RRM1: variants seen among roughly 807,000 people sequenced by gnomAD.
RRM1 encodes ribonucleotide reductase catalytic subunit M1, also known as ribonucleoside-diphosphate reductase large subunit.
RRM1 carries 19 observed loss-of-function variants against 101.5 expected under a neutral mutation model. That is an observed-to-expected ratio of 0.19 (90% CI 0.13 to 0.27). RRM1 has a LOEUF of 0.27. Among genes scored for constraint, RRM1 ranks in the 10% least tolerant of loss-of-function variants. The pLI is 1.00. For missense variants in RRM1, 500 were observed against 962.9 expected, an observed-to-expected ratio of 0.52 and a Z score of 6.36; for synonymous variants, 298 against 323.4, an observed-to-expected ratio of 0.92 and a Z score of 0.84.
intron 2 of RRM1, among the ~76,000 whole-genome samples, chr11:4,102,311 A>T (rs986306112): frequency 5.3e-5 from 8 of 152,190 alleles, no homozygotes; most frequent in Admixed American, 6.5e-5. Context: ...GGAAAATTTG[A>T]TATTAACATT....
intron 1 of RRM1, among the ~76,000 whole-genome samples, chr11:4,097,838 A>G (rs2094545745): frequency 6.6e-6 from 1 of 152,242 alleles, no homozygotes; most frequent in African/African-American, 2.4e-5. Flanking sequence ...CTTGCTAAAC[A>G]CTGTGAGGGC....
chr11:4,133,980 A>ATTTT (rs34715101), intron 17 of RRM1, among the ~76,000 whole-genome samples: 1,106 of 90,746 alleles, frequency 0.012, 21 homozygotes, highest in Non-Finnish European at 0.014. Flanking sequence ...CCAGACATCA[A>ATTTT]TTTTTTTTTT....
chr11:4,131,479 T>C (rs551489556), intron 15 of RRM1, among the ~76,000 whole-genome samples: 3 of 152,224 alleles, frequency 2.0e-5, no homozygotes, highest in Admixed American at 1.3e-4. Flanking sequence ...CTTTGTGTTT[T>C]AAAAACTTGA....
At chr11:4,105,988 T>C (rs2094557834) in intron 2 of RRM1, 58 bp from the exon 3 acceptor site, 29 of 1,456,842 alleles carry the variant, frequency 2.0e-5, no homozygotes, top group Non-Finnish European at 2.5e-5. Flanking sequence ...AATTACTCTT[T>C]TAAGGAAGCT....
Position 4,118,347 on chromosome 11 carries a change from C to A in RRM1, c.678C>A (p.Asp226Glu). ...GTTTTCTTCTGAGTATGAAAGATGA[C>A]AGCATTGAAGGCATTTATGACACTC... ...SSCFLLSMKD[D>E]SIEGIYDTLK... Residue 226 changes from aspartate (D) to glutamate (E), a missense_variant, in exon 8 of 19, where the codon GAC becomes GAA. Physicochemically the swap from Asp to Glu is conservative, Grantham distance 45. Transcript: ENST00000300738. 1 of 1,613,172 alleles carries A rather than the reference C, an allele frequency of 6.2e-7. No individual in the cohort carries two copies. The highest frequency in any genetic ancestry group is 8.5e-7 in the Non-Finnish European group (1 of 1,179,660).
At chr11:4,103,781 A>ATTTTTTTTTTTTTT (rs36062278) in intron 2 of RRM1, among the ~76,000 whole-genome samples, 1 of 115,256 alleles carries the variant, frequency 8.7e-6, no homozygotes, top group Non-Finnish European at 1.7e-5. Context: ...CCACCACGCT[A>ATTTTTTTTTTTTTT]TTTTTTTTTT....
intron 15 of RRM1, among the ~76,000 whole-genome samples, chr11:4,130,105 C>T (rs1228519581): frequency 2.2e-4 from 5 of 23,098 alleles, no homozygotes; most frequent in African/African-American, 7.6e-4. Flanking sequence ...TTTTTTTTTT[C>T]CCCTCAAAAT....
intron 12 of RRM1, among the ~76,000 whole-genome samples, chr11:4,124,116 A>G (rs1311469836): frequency 6.6e-6 from 1 of 152,200 alleles, no homozygotes; most frequent in African/African-American, 2.4e-5. Flanking sequence ...AGAGATGGCT[A>G]TGGCTGGGGG....
Position 4,128,465 on chromosome 11 carries a change from C to G in RRM1, c.1693-609C>G, listed in dbSNP as rs78071020. Among the ~76,000 whole-genome samples the G allele has an allele frequency of 9.5e-4, 145 of 152,302 alleles. 1 individual carries two copies. Among genetic ancestry groups the G allele is most frequent in the African/African-American group, 3.3e-3 (137 of 41,566 alleles). ...GGCTGATTTGCAACCTTAATTACAT[C>G]TGCAGAAACCTTTCACCTTTGCCAT... On this transcript the variant is annotated intron_variant, in intron 14 of 18. Transcript: ENST00000300738.
chr11:4,122,159 C>T lies in RRM1; in HGVS notation c.1057C>T (p.Pro353Ser), dbSNP rs267602875. The T allele has an allele frequency of 6.2e-7, 1 of 1,613,102 alleles. No individual in the cohort carries two copies. Among genetic ancestry groups the T allele is most frequent in the Non-Finnish European group, 8.5e-7 (1 of 1,179,498 alleles). Reference protein sequence around the residue: ...ETNQDWSLMCPNECPGLDEVW... With the variant: ...ETNQDWSLMCSNECPGLDEVW... ...TTTTTAGGACTGGTCTTTGATGTGT[C>T]CAAATGAGTGTCCTGGTCTGGATGA... is the stretch of plus-strand genomic sequence containing the variant. The change falls in exon 11 of 19, where the codon CCA becomes TCA. Residue 353 changes from proline to serine, a missense_variant. Pro to Ser is a moderately conservative substitution (Grantham distance 74, BLOSUM62 -1). Around this residue, in one of 9 missense-constraint regions of RRM1, gnomAD observed 80 missense variants for 170.9 expected, o/e 0.47. Transcript: ENST00000300738.
At position 4,094,830 on chromosome 11, in the gene RRM1, A is replaced by C. The variant is rs2133278770; in HGVS notation, c.-183A>C. 1 of 624,796 alleles carries C rather than the reference A, an allele frequency of 1.6e-6. No homozygotes were observed. Among genetic ancestry groups the C allele is most frequent in the East Asian group, 2.8e-5 (1 of 35,550 alleles). 38.7% of individuals were successfully genotyped at this position (624,796 alleles called of 1,614,324 possible). A position where few individuals can be genotyped will look rare whatever the true frequency, so the allele number is the denominator to read the frequency against. ...GTGCGTCACGGGTGGCGGGCGCGGG[A>C]AGGGGATTTGGATTGTTGCGCCTCT... On this transcript the variant is annotated 5_prime_UTR_variant, in exon 1 of 19. Coordinates refer to ENST00000300738, the MANE Select transcript of RRM1 (RefSeq NM_001033.5).
intron 7 of RRM1, among the ~76,000 whole-genome samples, chr11:4,117,526 G>A (rs1403044932): frequency 1.3e-5 from 2 of 152,164 alleles, no homozygotes; most frequent in African/African-American, 4.8e-5. Context: ...ATTAAAACAA[G>A]TTGCAGAATG....
intron 2 of RRM1, 75 bp from the exon 3 acceptor site, chr11:4,105,971 T>G (rs1225584883): frequency 4.6e-6 from 6 of 1,310,456 alleles, no homozygotes; most frequent in Non-Finnish European, 6.5e-6. Context: ...GCCATGATGG[T>G]TTTCTTAATT....
rs373865077 is a variant in RRM1, at chr11:4,132,243, T to C, written c.1770-43T>C. ...TTAAAGTAGCTGCTTTCCTGGCAGA[T>C]TGTAGCTTTGGGACTAGTACCTGAT... On this transcript the variant is annotated intron_variant, in intron 15 of 18. Transcript: ENST00000300738. The surrounding 1 kb of genome is among the most constrained non-coding windows in gnomAD (Gnocchi z 4.1). The C allele has an allele frequency of 3.1e-6, 5 of 1,606,762 alleles. No individual in the cohort carries two copies. Among genetic ancestry groups the C allele is most frequent in the East Asian group, 2.2e-5 (1 of 44,846 alleles).
intron 1 of RRM1, among the ~76,000 whole-genome samples, chr11:4,097,184 G>T (rs1025781273): frequency 1.3e-4 from 19 of 151,154 alleles, no homozygotes; most frequent in Middle Eastern, 3.4e-3. Context: ...TACTCAGGAG[G>T]CTGAGGCAGG....
In RRM1 at chr11:4,126,792, T is replaced by C. The variant is rs2094590293; in HGVS notation, c.1429T>C (p.Leu477=). The C allele has an allele frequency of 1.2e-6, 2 of 1,613,398 alleles. No homozygotes were observed. The highest frequency in any genetic ancestry group is 1.7e-6 in the Non-Finnish European group (2 of 1,179,456). ...AGTCACTAAAGTCGTTGTCCGAAAC[T>C]TGAATAAAATTATTGATATAAACTA... is the stretch of plus-strand genomic sequence containing the variant. The part of the protein sequence containing the change: ...AEVTKVVVRN[L]NKIIDINYYP... The change falls in exon 13 of 19, where the codon TTG becomes CTG. Residue 477 remains leucine, a synonymous_variant. Coordinates refer to ENST00000300738, the MANE Select transcript of RRM1 (RefSeq NM_001033.5).
At chr11:4,128,968 T>G in intron 14 of RRM1, 106 bp from the exon 15 acceptor site, 3 of 602,050 alleles carry the variant, frequency 5.0e-6, no homozygotes, top group East Asian at 2.7e-5. Flanking sequence ...GAAGACAGCA[T>G]TTGTTGGGAT....
In RRM1 at chr11:4,127,860, G is replaced by A. The variant is rs903147094; in HGVS notation, c.1692+604G>A. Among the ~76,000 whole-genome samples, 13 of 152,190 alleles carry A rather than the reference G, an allele frequency of 8.5e-5. 1 individual carries two copies. The highest frequency in any genetic ancestry group is 1.7e-4 in the African/African-American group (7 of 41,444). On this transcript the variant is annotated intron_variant, in intron 14 of 18. Transcript: ENST00000300738. ...TTCTGTGGGTTAAAACATGGCATTC[G>A]TTATCTCACAGTTTCCACAGGTCAG...
intron 1 of RRM1, among the ~76,000 whole-genome samples, chr11:4,101,469 T>G (rs1214861201): frequency 4.0e-5 from 6 of 150,726 alleles, no homozygotes; most frequent in South Asian, 2.1e-4. Flanking sequence ...CCTGCCACCA[T>G]GCCCAGCTAA....
Sources: gnomAD v4.1 joint callset for allele counts (sites outside exome capture counted in the v4.1 genomes callset) on GRCh38, gnomAD v4.1.1 for gene constraint, gnomAD v4.1.1 regional missense constraint, Gnocchi (gnomAD v3.1) non-coding constraint, MANE v1.5 for transcripts, NCBI Gene and HGNC (gene_info 2026-07-23, HGNC 2026-07-21) for gene names.